Variants in CAAP1 observed in about 807,000 individuals in gnomAD.
CAAP1 encodes conserved anti-apoptotic protein.
A neutral mutation model predicts 34.0 loss-of-function variants in CAAP1; 20 were observed. That is an observed-to-expected ratio of 0.59 (90% CI 0.41 to 0.86). The LOEUF (loss-of-function observed/expected upper bound fraction) is 0.86, where lower values mean the gene tolerates loss of function less well. Among genes scored for constraint, CAAP1 ranks in the 40% least tolerant of loss-of-function variants. CAAP1 has a pLI of 0.00. For missense variants in CAAP1, 538 were observed against 450.5 expected, an observed-to-expected ratio of 1.19 and a Z score of -1.76; for synonymous variants, 213 against 166.7, an observed-to-expected ratio of 1.28 and a Z score of -2.14.
In CAAP1 at chr9:26,842,521, C is replaced by A; in HGVS notation, c.866G>T (p.Gly289Val). The change falls in exon 6 of 6, where the codon GGT becomes GTT. Residue 289 changes from glycine to valine, a missense_variant. This residue lies in a region of CAAP1 where 514 missense variants were observed against 408.4 expected (regional missense o/e 1.26). Coordinates refer to ENST00000333916, the MANE Select transcript of CAAP1 (RefSeq NM_024828.4). ...APENTVQSEAGQIDDLEKDIE... is the reference protein window; with the variant it reads ...APENTVQSEAVQIDDLEKDIE... ...GTCTTTCTCCAGGTCATCTATCTGA[C>A]CAGCTTCACTTTGGACTGTATTTTC... 6.2e-7 allele frequency: 1 copy of A among 1,614,158 alleles called. No homozygotes were observed. The highest frequency in any genetic ancestry group is 8.5e-7 in the Non-Finnish European group (1 of 1,180,022).
rs1165088455 is a variant in CAAP1, at chr9:26,842,851, T to C, written c.740-204A>G. Among the ~76,000 whole-genome samples the C allele has an allele frequency of 2.6e-5, 4 of 152,222 alleles. No individual in the cohort carries two copies. In the South Asian group the frequency reaches 8.3e-4, roughly 31 times the overall value. ...AATGTAATGTAAATTCAAATGTATT[T>C]TTCATTCTGATTTAGTAGAACATGG... On this transcript the variant is annotated intron_variant, in intron 5 of 5. Transcript: ENST00000333916.
At chr9:26,869,855 G>T in intron 4 of CAAP1, 1 of 473,736 alleles carries the variant, frequency 2.1e-6, no homozygotes, top group Non-Finnish European at 2.8e-6. Flanking sequence ...AAACAAATCA[G>T]TTAAGTGATT....
At position 26,892,403 on chromosome 9, in the gene CAAP1, G is replaced by T. The variant is rs751762410; in HGVS notation, c.303+10C>A. On this transcript the variant is annotated intron_variant, in intron 1 of 5. Coordinates refer to ENST00000333916, the MANE Select transcript of CAAP1 (RefSeq NM_024828.4). The stretch of plus-strand genomic sequence containing the variant: ...AGCTCCAGGAAGCGGCCAGAGGGGC[G>T]CGCACGCACCTGCTGCAAGGAGCCC... 1.2e-6 allele frequency: 2 copies of T among 1,604,432 alleles called. No homozygotes were observed. Among genetic ancestry groups the T allele is most frequent in the East Asian group, 4.5e-5 (2 of 44,738 alleles).
chr9:26,880,741 T>C (rs897597859), intron 4 of CAAP1, among the ~76,000 whole-genome samples: 1 of 152,154 alleles, frequency 6.6e-6, no homozygotes, highest in Non-Finnish European at 1.5e-5. Context: ...AGTTGTGGGA[T>C]TTTGGCTCAC....
Position 26,887,523 on chromosome 9 carries a change from A to G in CAAP1, c.304-10T>C, listed in dbSNP as rs191402123. 1 of 1,508,942 alleles carries G rather than the reference A, an allele frequency of 6.6e-7. No homozygotes were observed. Among genetic ancestry groups the G allele is most frequent in the Non-Finnish European group, 9.1e-7 (1 of 1,104,346 alleles). The allele number at this position is 1,508,942 out of a possible 1,614,324, so 93.5% of individuals were successfully genotyped here. A position where few individuals can be genotyped will look rare whatever the true frequency, so the allele number is the denominator to read the frequency against. Reference sequence around the variant, plus strand: ...AAATATATTTAGTTTCCTAAAGTTAAAAGAATAAAGAACCATTAAACAATA... The same window carrying G: ...AAATATATTTAGTTTCCTAAAGTTAGAAGAATAAAGAACCATTAAACAATA... On this transcript the variant is annotated splice_polypyrimidine_tract_variant and intron_variant, in intron 1 of 5. Transcript: ENST00000333916.
rs561371826 is a variant in CAAP1, at chr9:26,890,921, G to A, written c.303+1492C>T. On this transcript the variant is annotated intron_variant, in intron 1 of 5. Transcript: ENST00000333916. ...GATCACGCCACTGCACTCCGGCCTG[G>A]GCAACAGAGCGAGACTCCGTCTCAA... is the stretch of plus-strand genomic sequence containing the variant. Among the ~76,000 whole-genome samples the A allele has an allele frequency of 5.9e-5, 9 of 152,154 alleles. No homozygotes were observed. In the East Asian group the frequency reaches 9.7e-4, roughly 16 times the overall value.
intron 4 of CAAP1, among the ~76,000 whole-genome samples, chr9:26,879,785 T>C (rs887843566): frequency 6.6e-6 from 1 of 152,190 alleles, no homozygotes; most frequent in African/African-American, 2.4e-5. Context: ...CTTGGACTTA[T>C]GCCAGTGTTT....
chr9:26,880,786 C>T (rs1823574356), intron 4 of CAAP1, among the ~76,000 whole-genome samples: 1 of 152,148 alleles, frequency 6.6e-6, no homozygotes, highest in Admixed American at 6.5e-5. Flanking sequence ...AGTGACTCTC[C>T]TGCCTCAGCC....
chr9:26,872,574 T>TATATATATATATATATATA (rs1563888459), intron 4 of CAAP1, among the ~76,000 whole-genome samples: 9 of 138,198 alleles, frequency 6.5e-5, no homozygotes, highest in African/African-American at 2.7e-4. Context: ...ATATATATAT[T>TATATATATATATATATATA]TAGACAGAGT....
intron 4 of CAAP1, chr9:26,870,039 CTTTTTTTTT>C: frequency 1.8e-5 from 5 of 277,264 alleles, no homozygotes; most frequent in Non-Finnish European, 2.6e-5. Context: ...GAAAGAATAA[CTTTTTTTTT>C]TTTTTTTTTT....
intron 4 of CAAP1, among the ~76,000 whole-genome samples, chr9:26,874,503 GAACT>G (rs1823373471): frequency 6.6e-6 from 1 of 152,022 alleles, no homozygotes; most frequent in Admixed American, 6.6e-5. Context: ...TGTATCTACT[GAACT>G]AACTTTCTTT....
At position 26,884,739 on chromosome 9, in the gene CAAP1, C is replaced by T. The variant is rs113225932; in HGVS notation, c.665+71G>A. 10,760 of 1,041,348 alleles carry T rather than the reference C, an allele frequency of 0.01. 707 individuals are homozygous for T. In the African/African-American group the frequency reaches 0.14, roughly 14 times the overall value. The allele number at this position is 1,041,348 out of a possible 1,614,324, so 64.5% of individuals were successfully genotyped here. ...ATAAAACACAGAAAAACAATCATAT[C>T]TTTGACATAAGAAATCACCAAAGGA... On this transcript the variant is annotated intron_variant, in intron 4 of 5. Transcript: ENST00000333916.
intron 4 of CAAP1, among the ~76,000 whole-genome samples, chr9:26,863,881 T>A (rs1424292881): frequency 6.6e-6 from 1 of 151,854 alleles, no homozygotes; most frequent in Non-Finnish European, 1.5e-5. Context: ...AGCCTCGACT[T>A]CCTGTGCTCA....
Position 26,842,602 on chromosome 9 carries a change from T to A in CAAP1, c.785A>T (p.Tyr262Phe), listed in dbSNP as rs1295329266. The A allele has an allele frequency of 2.5e-6, 4 of 1,614,118 alleles. No homozygotes were observed. The highest frequency in any genetic ancestry group is 1.7e-5 in the Admixed American group (1 of 60,018). Reference sequence around the variant, plus strand: ...GCATGGGCCTTCTATGTCGCTGTCATAAGCATCTGCATTTATACTGAGTAC... The same window carrying A: ...GCATGGGCCTTCTATGTCGCTGTCAAAAGCATCTGCATTTATACTGAGTAC... The part of the protein sequence containing the change: ...SDVLSINADA[Y>F]DSDIEGPCNE... Residue 262 changes from tyrosine (Y) to phenylalanine (F), a missense_variant, in exon 6 of 6, where the codon TAT becomes TTT. Physicochemically the swap from Tyr to Phe is conservative, Grantham distance 22 (BLOSUM62 3). Around this residue, in one of 3 missense-constraint regions of CAAP1, gnomAD observed 514 missense variants for 408.4 expected, o/e 1.26. Coordinates refer to ENST00000333916, the MANE Select transcript of CAAP1 (RefSeq NM_024828.4).
chr9:26,843,124 T>C (rs1822518014), intron 5 of CAAP1, among the ~76,000 whole-genome samples: 1 of 152,184 alleles, frequency 6.6e-6, no homozygotes, highest in Non-Finnish European at 1.5e-5. Context: ...AACATATGCA[T>C]TGCAATTATC....
intron 1 of CAAP1, among the ~76,000 whole-genome samples, chr9:26,888,650 A>G (rs894734573): frequency 6.6e-6 from 1 of 152,250 alleles, no homozygotes. Flanking sequence ...ATCCTCATAC[A>G]CTGTTAGCAG....
intron 4 of CAAP1, among the ~76,000 whole-genome samples, chr9:26,875,532 G>C (rs1823408047): frequency 6.6e-6 from 1 of 152,180 alleles, no homozygotes; most frequent in Non-Finnish European, 1.5e-5. Flanking sequence ...AGACATATTT[G>C]AAATTATTTT....
rs188014689 is a variant in CAAP1 at position 26,843,195 on chromosome 9, G to A, written c.740-548C>T. 4.6e-5 allele frequency among the ~76,000 whole-genome samples: 7 copies of A among 152,282 alleles called. No individual in the cohort carries two copies. In the East Asian group the frequency reaches 1.4e-3, roughly 29 times the overall value. ...CCAAATCAATAAATTAAAGAAGAATGCCTAAGGCCATTTTCTAAGGTAAAA... is the reference window on the plus strand; with the variant it reads ...CCAAATCAATAAATTAAAGAAGAATACCTAAGGCCATTTTCTAAGGTAAAA... On this transcript the variant is annotated intron_variant, in intron 5 of 5. Coordinates refer to ENST00000333916, the MANE Select transcript of CAAP1 (RefSeq NM_024828.4).
intron 1 of CAAP1, among the ~76,000 whole-genome samples, chr9:26,889,292 C>A (rs960521545): frequency 1.3e-5 from 2 of 151,998 alleles, no homozygotes; most frequent in Non-Finnish European, 2.9e-5. Context: ...GAGGCGGGTG[C>A]CTGTAATCCC....
Sources: gnomAD v4.1 joint callset for allele counts (sites outside exome capture counted in the v4.1 genomes callset) on GRCh38, gnomAD v4.1.1 for gene constraint, gnomAD v4.1.1 regional missense constraint, MANE v1.5 for transcripts, NCBI Gene and HGNC (gene_info 2026-07-23, HGNC 2026-07-21) for gene names.